The following AK4 variants were observed in gnomAD, a reference collection of about 807,000 sequenced individuals.
AK4 encodes adenylate kinase 4.
AK4 carries 13 observed loss-of-function variants against 24.6 expected under a neutral mutation model. The ratio of observed to expected loss-of-function variants is 0.53; its 90% CI spans 0.34 to 0.84. AK4 has a LOEUF of 0.84. Ranked by LOEUF, AK4 falls within the 40% of genes least tolerant of loss-of-function variation. The pLI, the probability that AK4 is intolerant of heterozygous loss-of-function variation, is 0.01. For synonymous variants in AK4, 88 were observed against 107.0 expected, an observed-to-expected ratio of 0.82 and a Z score of 1.10; for missense variants, 192 against 288.2, an observed-to-expected ratio of 0.67 and a Z score of 2.42.
chr1:65,193,648 C>T (rs1651378977), intron 2 of AK4, among the ~76,000 whole-genome samples: 1 of 152,222 alleles, frequency 6.6e-6, no homozygotes, highest in African/African-American at 2.4e-5. Flanking sequence ...GGACCACTCC[C>T]TCATACCAAA....
rs779683150 is a variant in AK4 at position 65,148,437 on chromosome 1, C to A, written c.30C>A (p.Ile10=). ...CTTCCAAACTCCTGCGCGCGGTCAT[C>A]CTCGGGCCGCCCGGCTCGGGCAAGG... MASKLLRAV[I]LGPPGSGKGT... Residue 10 remains isoleucine (I), a synonymous_variant, in exon 1 of 5, where the codon ATC becomes ATA. Transcript: ENST00000327299. The A allele has an allele frequency of 4.5e-6, 7 of 1,562,814 alleles. No homozygotes were observed. Among genetic ancestry groups the A allele is most frequent in the Non-Finnish European group, 6.1e-6 (7 of 1,155,174 alleles).
chr1:65,209,660 C>T (rs1651914412), intron 2 of AK4, among the ~76,000 whole-genome samples: 1 of 152,082 alleles, frequency 6.6e-6, no homozygotes, highest in South Asian at 2.1e-4. Context: ...TTTGTTTAGC[C>T]CAACTTGAGA....
intron 1 of AK4, among the ~76,000 whole-genome samples, chr1:65,189,580 G>A (rs1415800581): frequency 6.6e-6 from 1 of 152,006 alleles, no homozygotes; most frequent in Non-Finnish European, 1.5e-5. Flanking sequence ...GCCCAGCTGA[G>A]AATGTGATTC....
At chr1:65,205,802 CTT>C (rs1651793797) in intron 2 of AK4, among the ~76,000 whole-genome samples, 1 of 152,076 alleles carries the variant, frequency 6.6e-6, no homozygotes, top group South Asian at 2.1e-4. Flanking sequence ...TGTCTTTATA[CTT>C]TAAATTTTTC....
intron 3 of AK4, among the ~76,000 whole-genome samples, chr1:65,221,653 A>G (rs758034631): frequency 8.5e-5 from 13 of 152,220 alleles, no homozygotes; most frequent in Non-Finnish European, 1.5e-4. Flanking sequence ...GGGAATAAAA[A>G]AGGAGTTCTG....
intron 2 of AK4, among the ~76,000 whole-genome samples, chr1:65,196,797 A>T (rs1651486168): frequency 6.6e-6 from 1 of 152,116 alleles, no homozygotes; most frequent in Non-Finnish European, 1.5e-5. Context: ...AGGGTCACAT[A>T]TTAGACCGTT....
intron 2 of AK4, among the ~76,000 whole-genome samples, chr1:65,206,695 C>G (rs1651823184): frequency 6.6e-6 from 1 of 152,214 alleles, no homozygotes; most frequent in South Asian, 2.1e-4. Context: ...AAGAGGAACC[C>G]TTAAGCCCAG....
At chr1:65,152,384 ATTTTTTTTTTTTTTTTTT>A (rs552572978) in intron 1 of AK4, among the ~76,000 whole-genome samples, 5 of 16,462 alleles carry the variant, frequency 3.0e-4, no homozygotes, top group Admixed American at 1.4e-3. Context: ...ATATATATAT[ATTTTTTTTTTTTTTTTTT>A]TTTTTTTTTT....
intron 1 of AK4, among the ~76,000 whole-genome samples, chr1:65,178,081 T>A (rs537281357): frequency 6.6e-6 from 1 of 152,130 alleles, no homozygotes; most frequent in South Asian, 2.1e-4. Context: ...TAATGAGAAG[T>A]TCATCTAATA....
chr1:65,153,868 T>C lies in AK4; in HGVS notation c.145+5316T>C, dbSNP rs76787413. On this transcript the variant is annotated intron_variant, in intron 1 of 4. Coordinates refer to ENST00000327299, the MANE Select transcript of AK4 (RefSeq NM_013410.4). ...AAAGGCCCTAAGGTGGGAATTAGCA[T>C]AGCGTGTCTGAGGAACAGAAAGAAG... Among the ~76,000 whole-genome samples the C allele has an allele frequency of 1.1e-4, 16 of 152,176 alleles. No homozygotes were observed. In the East Asian group the frequency reaches 2.9e-3, roughly 28 times the overall value.
rs1477710271 is a variant in AK4, at chr1:65,231,572, A to G, written c.*5395A>G. 1 of 152,196 alleles carries G rather than the reference A, an allele frequency of 6.6e-6. No homozygotes were observed. The highest frequency in any genetic ancestry group is 1.5e-5 in the Non-Finnish European group (1 of 68,030). 9.4% of individuals were successfully genotyped at this position (152,196 alleles called of 1,614,324 possible). ...TATGTGTCTAATTCATTTTATAAAA[A>G]TTATTCTTGTCTTCATTTTAAAGCT... is the stretch of plus-strand genomic sequence containing the variant. On this transcript the variant is annotated 3_prime_UTR_variant, in exon 5 of 5. Transcript: ENST00000327299.
At chr1:65,154,933 C>A (rs1279093384) in intron 1 of AK4, among the ~76,000 whole-genome samples, 1 of 151,796 alleles carries the variant, frequency 6.6e-6, no homozygotes, top group African/African-American at 2.4e-5. Context: ...TCACTGCAAC[C>A]TCTGCCTCCC....
chr1:65,152,360 C>CTCTCTATATATA (rs1277948363), intron 1 of AK4, among the ~76,000 whole-genome samples: 2 of 27,960 alleles, frequency 7.2e-5, no homozygotes, highest in African/African-American at 1.1e-4. Context: ...CTCTCTCTCT[C>CTCTCTATATATA]TATATATATA....
chr1:65,154,797 A>G (rs1212261799), intron 1 of AK4: 1 of 186,574 alleles, frequency 5.4e-6, no homozygotes, highest in African/African-American at 2.4e-5. Context: ...TTTCTCTGGG[A>G]TAGGTTTCTA....
intron 1 of AK4, among the ~76,000 whole-genome samples, chr1:65,155,377 G>A (rs530806583): frequency 2.5e-4 from 38 of 152,188 alleles, no homozygotes; most frequent in Middle Eastern, 3.4e-3. Flanking sequence ...AGAGGCTGAG[G>A]CAGGACAATC....
rs531228657 is a variant in AK4, at chr1:65,224,777, C to G, written c.464C>G (p.Pro155Arg). 1 of 1,613,162 alleles carries G rather than the reference C, an allele frequency of 6.2e-7. No individual in the cohort carries two copies. Among genetic ancestry groups the G allele is most frequent in the Non-Finnish European group, 8.5e-7 (1 of 1,179,760 alleles). Reference protein sequence around the residue: ...VHGIDDVTGEPLVQQEDDKPE... With the variant: ...VHGIDDVTGERLVQQEDDKPE... ...GGTATTGATGACGTCACTGGTGAAC[C>G]GTTAGTCCAGCAGGAGGATGATAAA... The change falls in exon 4 of 5, where the codon CCG (proline) becomes CGG (arginine). Residue 155 changes from proline (P) to arginine (R), a missense_variant. Pro to Arg is a moderately radical substitution (Grantham distance 103). Transcript: ENST00000327299.
In AK4 at chr1:65,229,594, T is replaced by A. The variant is rs967093845; in HGVS notation, c.*3417T>A. 5 of 152,138 alleles carry A rather than the reference T, an allele frequency of 3.3e-5. No individual in the cohort carries two copies. The highest frequency in any genetic ancestry group is 1.5e-5 in the Non-Finnish European group (1 of 68,042). 9.4% of individuals were successfully genotyped at this position (152,138 alleles called of 1,614,324 possible). A position where few individuals can be genotyped will look rare whatever the true frequency, so the allele number is the denominator to read the frequency against. The stretch of plus-strand genomic sequence containing the variant: ...TGTTCACCTTTTTATGACATTCCTT[T>A]TTCTTAGCTTAAGAAAAGAAAGCTG... On this transcript the variant is annotated 3_prime_UTR_variant, in exon 5 of 5. Coordinates refer to ENST00000327299, the MANE Select transcript of AK4 (RefSeq NM_013410.4).
intron 2 of AK4, among the ~76,000 whole-genome samples, chr1:65,209,366 T>C (rs1404814435): frequency 1.3e-5 from 2 of 152,246 alleles, no homozygotes; most frequent in African/African-American, 4.8e-5. Context: ...AGTCAGTCAT[T>C]TAGAAAGCCT....
At position 65,148,451 on chromosome 1, in the gene AK4, G is replaced by A. The variant is rs1358676898; in HGVS notation, c.44G>A (p.Gly15Asp). Residue 15 changes from glycine (G) to aspartate (D), a missense_variant, in exon 1 of 5, where the codon GGC becomes GAC. Coordinates refer to ENST00000327299, the MANE Select transcript of AK4 (RefSeq NM_013410.4). Reference sequence around the variant, plus strand: ...CGCGCGGTCATCCTCGGGCCGCCCGGCTCGGGCAAGGGCACCGTGTGCCAG... The same window carrying A: ...CGCGCGGTCATCCTCGGGCCGCCCGACTCGGGCAAGGGCACCGTGTGCCAG... Reference protein sequence around the residue: ...LLRAVILGPPGSGKGTVCQRI... With the variant: ...LLRAVILGPPDSGKGTVCQRI... 1 of 1,568,556 alleles carries A rather than the reference G, an allele frequency of 6.4e-7. No homozygotes were observed. The highest frequency in any genetic ancestry group is 1.9e-5 in the Admixed American group (1 of 52,798).
Sources: allele counts gnomAD v4.1 joint callset (sites outside exome capture counted in the v4.1 genomes callset), GRCh38; gene constraint gnomAD v4.1.1; transcripts MANE v1.5; gene names NCBI Gene and HGNC (gene_info 2026-07-23, HGNC 2026-07-21).